ADCY2: variants seen among roughly 807,000 people sequenced by gnomAD.
ADCY2 encodes adenylate cyclase type 2.
A neutral mutation model predicts 125.2 loss-of-function variants in ADCY2; 31 were observed. The observed-to-expected ratio is 0.25, with a 90% confidence interval of 0.19 to 0.33. The LOEUF (loss-of-function observed/expected upper bound fraction) is 0.33, where lower values mean the gene tolerates loss of function less well. Among genes scored for constraint, ADCY2 ranks in the 10% least tolerant of loss-of-function variants. ADCY2 has a pLI of 1.00. For missense variants in ADCY2, 904 were observed against 1,418.2 expected (o/e 0.64, Z 5.82); for synonymous variants, 512 against 548.4 (o/e 0.93, Z 0.93).
intron 4 of ADCY2, among the ~76,000 whole-genome samples, chr5:7,689,722 A>G (rs1191594908): frequency 2.0e-5 from 3 of 152,216 alleles, no homozygotes. Flanking sequence ...TGCCAAAAAA[A>G]GAAAAAGAGA....
intron 2 of ADCY2, among the ~76,000 whole-genome samples, chr5:7,492,887 A>G (rs1743213817): frequency 1.3e-5 from 2 of 152,162 alleles, no homozygotes; most frequent in South Asian, 4.1e-4. Flanking sequence ...TCAGTGGTGC[A>G]GTAGTGATGC....
intron 4 of ADCY2, among the ~76,000 whole-genome samples, chr5:7,685,908 T>C: frequency 6.6e-6 from 1 of 152,332 alleles, no homozygotes; most frequent in South Asian, 2.1e-4. Flanking sequence ...TGCTTAGGGA[T>C]CTGGTGTTTG....
At chr5:7,623,799 A>G (rs1239788941) in intron 3 of ADCY2, among the ~76,000 whole-genome samples, 5 of 152,190 alleles carry the variant, frequency 3.3e-5, no homozygotes, top group Non-Finnish European at 7.3e-5. Flanking sequence ...TATCACCTGC[A>G]CACACATCAC....
At chr5:7,503,390 A>G (rs2126507310) in intron 2 of ADCY2, among the ~76,000 whole-genome samples, 1 of 152,318 alleles carries the variant, frequency 6.6e-6, no homozygotes, top group East Asian at 1.9e-4. Flanking sequence ...ACAATGAGAA[A>G]CCAATCGCTC....
At chr5:7,560,742 G>C (rs546529057) in intron 3 of ADCY2, among the ~76,000 whole-genome samples, 1 of 151,978 alleles carries the variant, frequency 6.6e-6, no homozygotes, top group African/African-American at 2.4e-5. Flanking sequence ...AGGCTGGAGT[G>C]CAGTGGTGCC....
At chr5:7,716,524 C>T (rs1465637227) in intron 11 of ADCY2, among the ~76,000 whole-genome samples, 2 of 152,208 alleles carry the variant, frequency 1.3e-5, no homozygotes, top group Non-Finnish European at 2.9e-5. Flanking sequence ...TAGTAAATTT[C>T]ACAGTGAGTG....
At chr5:7,426,796 C>T (rs187002309) in intron 2 of ADCY2, among the ~76,000 whole-genome samples, 33 of 152,206 alleles carry the variant, frequency 2.2e-4, no homozygotes, top group South Asian at 8.3e-4. Context: ...CCCTCTGTAA[C>T]GGCTTTGAGG....
chr5:7,642,047 G>C (rs778858949), intron 4 of ADCY2, among the ~76,000 whole-genome samples: 3 of 152,152 alleles, frequency 2.0e-5, no homozygotes, highest in Non-Finnish European at 2.9e-5. Flanking sequence ...ACCCAGTAAT[G>C]GGATTGCCAG....
chr5:7,597,435 C>T (rs1737044212), intron 3 of ADCY2, among the ~76,000 whole-genome samples: 1 of 152,224 alleles, frequency 6.6e-6, no homozygotes, highest in Non-Finnish European at 1.5e-5. Flanking sequence ...TTAACCCTGC[C>T]ATCCACGATG....
At chr5:7,480,774 G>A (rs1444808900) in intron 2 of ADCY2, among the ~76,000 whole-genome samples, 3 of 152,150 alleles carry the variant, frequency 2.0e-5, no homozygotes, top group Non-Finnish European at 4.4e-5. Context: ...ATTAAAAATA[G>A]TAATGAGTTC....
At chr5:7,661,817 GA>G (rs2126693927) in intron 4 of ADCY2, among the ~76,000 whole-genome samples, 1 of 152,296 alleles carries the variant, frequency 6.6e-6, no homozygotes, top group Non-Finnish European at 1.5e-5. Context: ...ATTTTTAACT[GA>G]ATTTAAACAT....
intron 2 of ADCY2, among the ~76,000 whole-genome samples, chr5:7,457,775 T>C (rs140861766): frequency 1.1e-4 from 16 of 152,272 alleles, no homozygotes; most frequent in African/African-American, 3.6e-4. Context: ...CGCTTCCTCA[T>C]TTTTCTCTGA....
chr5:7,625,362 T>C (rs1320000449), intron 3 of ADCY2, among the ~76,000 whole-genome samples: 4 of 152,204 alleles, frequency 2.6e-5, no homozygotes, highest in Non-Finnish European at 4.4e-5. Context: ...TGGAACAAGA[T>C]AGAGGTCTTG....
chr5:7,522,336 C>G (rs1212490393), intron 3 of ADCY2: 4 of 152,172 alleles, frequency 2.6e-5, no homozygotes, highest in Non-Finnish European at 5.9e-5. Flanking sequence ...CAACTTTTCC[C>G]CATTTTCCCC....
At chr5:7,560,772 T>A (rs1735683491) in intron 3 of ADCY2, among the ~76,000 whole-genome samples, 1 of 151,974 alleles carries the variant, frequency 6.6e-6, no homozygotes, top group African/African-American at 2.4e-5. Flanking sequence ...CACTGCAACC[T>A]CCACCTCCGA....
At chr5:7,611,508 GA>G (rs915698482) in intron 3 of ADCY2, among the ~76,000 whole-genome samples, 1 of 152,002 alleles carries the variant, frequency 6.6e-6, no homozygotes, top group African/African-American at 2.4e-5. Flanking sequence ...ATATCCACTG[GA>G]AAAAATGGAA....
chr5:7,662,322 G>A lies in ADCY2; in HGVS notation c.721-28369G>A, dbSNP rs190462602. Among the ~76,000 whole-genome samples the A allele has an allele frequency of 2.1e-4, 32 of 152,310 alleles. No homozygotes were observed. The East Asian group carries it at 5.6e-3, about 27-fold the overall frequency. On this transcript the variant is annotated intron_variant, in intron 4 of 24. Coordinates refer to ENST00000338316, the MANE Select transcript of ADCY2 (RefSeq NM_020546.3). ...GTTCTGGAAGCAAGGGACCATTGGC[G>A]AATATACCTCTCCTCAATTTCAAGG...
chr5:7,724,451 T>C, intron 12 of ADCY2, 94 bp from the exon 13 acceptor site: 1 of 863,448 alleles, frequency 1.2e-6, no homozygotes, highest in Non-Finnish European at 1.9e-6. Flanking sequence ...TGATACACAA[T>C]AAAGAAAGAA....
intron 19 of ADCY2, among the ~76,000 whole-genome samples, chr5:7,787,815 G>C (rs1044290547): frequency 6.6e-6 from 1 of 152,206 alleles, no homozygotes; most frequent in East Asian, 1.9e-4. Context: ...CTGCTTACCT[G>C]TTATGCAATA....
Sources: gnomAD v4.1 joint callset for allele counts (sites outside exome capture counted in the v4.1 genomes callset) on GRCh38, gnomAD v4.1.1 for gene constraint, MANE v1.5 for transcripts, NCBI Gene and HGNC (gene_info 2026-07-23, HGNC 2026-07-21) for gene names.